Variants in SYT14 observed in about 807,000 individuals in gnomAD.
The protein encoded by SYT14 is synaptotagmin 14, also known as synaptotagmin-14.
A neutral mutation model predicts 74.2 loss-of-function variants in SYT14; 32 were observed. The ratio of observed to expected loss-of-function variants is 0.43; its 90% CI spans 0.33 to 0.58. SYT14 has a LOEUF of 0.58. Among genes scored for constraint, SYT14 ranks in the 20% least tolerant of loss-of-function variants. The pLI is 0.05. For missense variants in SYT14, 791 were observed against 981.8 expected, an observed-to-expected ratio of 0.81 and a Z score of 2.60; for synonymous variants, 298 against 337.7, an observed-to-expected ratio of 0.88 and a Z score of 1.29.
chr1:210,163,528 C>T (rs1187892210), exon 10 of SYT14: 4 of 453,314 alleles, frequency 8.8e-6, no homozygotes, highest in Non-Finnish European at 1.8e-5. Context: ...GGCAAAGGTG[C>T]CCTGGCTTTT....
chr1:209,941,384 C>G (rs1009385456), intron 1 of SYT14, among the ~76,000 whole-genome samples: 2 of 152,148 alleles, frequency 1.3e-5, no homozygotes, highest in African/African-American at 2.4e-5. Flanking sequence ...GTTACACATC[C>G]TTACTGTTGG....
intron 2 of SYT14, among the ~76,000 whole-genome samples, chr1:210,006,467 C>T (rs1177898490): frequency 6.6e-6 from 1 of 151,734 alleles, no homozygotes; most frequent in East Asian, 1.9e-4. Flanking sequence ...AAAATATTTA[C>T]AGCTAATTAA....
At chr1:209,948,576 T>C (rs1288910267) in intron 1 of SYT14, among the ~76,000 whole-genome samples, 1 of 152,250 alleles carries the variant, frequency 6.6e-6, no homozygotes, top group East Asian at 1.9e-4. Flanking sequence ...GTATAGTTTT[T>C]ATGCAGTTCT....
intron 5 of SYT14, among the ~76,000 whole-genome samples, chr1:210,077,771 A>G (rs899818595): frequency 2.0e-5 from 3 of 152,198 alleles, no homozygotes; most frequent in Non-Finnish European, 4.4e-5. Context: ...TTCTTATCAT[A>G]GATATTTTAA....
intron 5 of SYT14, among the ~76,000 whole-genome samples, chr1:210,070,135 G>A (rs2102440516): frequency 6.6e-6 from 1 of 152,094 alleles, no homozygotes; most frequent in East Asian, 1.9e-4. Flanking sequence ...TTTAACCTTT[G>A]CATACAACTT....
In SYT14 at chr1:210,076,114, G is replaced by A. The variant is rs115699981; in HGVS notation, c.1313-18208G>A. Among the ~76,000 whole-genome samples the A allele has an allele frequency of 6.4e-3, 976 of 152,214 alleles. 7 individuals are homozygous for A. The highest frequency in any genetic ancestry group is 0.01 in the Non-Finnish European group (714 of 68,004). ...TCTGTAGACTTTGGGAATAGTAAGA[G>A]CCATTTTCTCCACTTAGAATCTCAG... On this transcript the variant is annotated intron_variant, in intron 5 of 9. Transcript: ENST00000637265.
At position 210,009,109 on chromosome 1, in the gene SYT14, A is replaced by G. The variant is rs574101662; in HGVS notation, c.-485-4524A>G. ...CATTCAAAGCCATCCTGAGCTGCAT[A>G]TGTCTGGCAGGCCATGAGTTGGACA... On this transcript the variant is annotated intron_variant, in intron 2 of 9. Coordinates refer to ENST00000637265, the Ensembl canonical transcript of SYT14. Among the ~76,000 whole-genome samples, 7 of 152,344 alleles carry G rather than the reference A, an allele frequency of 4.6e-5. No homozygotes were observed. The East Asian group carries it at 1.4e-3, about 29-fold the overall frequency.
At chr1:210,065,304 G>A (rs2081276911) in intron 5 of SYT14, among the ~76,000 whole-genome samples, 1 of 151,996 alleles carries the variant, frequency 6.6e-6, no homozygotes, top group Non-Finnish European at 1.5e-5. Context: ...TAATCATGGG[G>A]GCGGTTACCT....
intron 2 of SYT14, among the ~76,000 whole-genome samples, chr1:210,008,298 A>G (rs1050534361): frequency 3.3e-5 from 5 of 152,328 alleles, no homozygotes; most frequent in South Asian, 2.1e-4. Context: ...TATTGACTGT[A>G]TTCAACAAAT....
intron 2 of SYT14, among the ~76,000 whole-genome samples, chr1:209,988,329 G>A (rs2079606461): frequency 6.6e-6 from 1 of 152,018 alleles, no homozygotes; most frequent in African/African-American, 2.4e-5. Context: ...TACCACATTC[G>A]ATCATTCCTC....
At chr1:209,951,700 A>G (rs2078914240) in intron 1 of SYT14, among the ~76,000 whole-genome samples, 1 of 152,146 alleles carries the variant, frequency 6.6e-6, no homozygotes, top group Admixed American at 6.6e-5. Flanking sequence ...AACCCAAATC[A>G]ATCCAAATGT....
intron 7 of SYT14, among the ~76,000 whole-genome samples, chr1:210,108,696 C>T (rs1018905070): frequency 6.6e-6 from 1 of 151,178 alleles, no homozygotes; most frequent in African/African-American, 2.4e-5. Context: ...AACAGAGAGG[C>T]AAAAGTGTTA....
intron 5 of SYT14, among the ~76,000 whole-genome samples, chr1:210,075,348 T>TG (rs1011179083): frequency 2.8e-4 from 42 of 150,376 alleles, no homozygotes; most frequent in Non-Finnish European, 5.2e-4. Context: ...GTTTGTTTTT[T>TG]TTTTTTTTTT....
At chr1:210,140,157 G>C (rs1447877271) in intron 7 of SYT14, among the ~76,000 whole-genome samples, 9 of 152,050 alleles carry the variant, frequency 5.9e-5, no homozygotes, top group Admixed American at 2.6e-4. Flanking sequence ...CTATCCTACT[G>C]GGTATAAAGT....
chr1:209,976,097 CTTCT>C (rs1454075062), intron 2 of SYT14, among the ~76,000 whole-genome samples: 3 of 151,584 alleles, frequency 2.0e-5, no homozygotes, highest in African/African-American at 4.9e-5. Flanking sequence ...TCTCTCTTTT[CTTCT>C]TTATTAGTCT....
intron 2 of SYT14, among the ~76,000 whole-genome samples, chr1:209,996,106 G>A (rs998149979): frequency 3.9e-5 from 6 of 152,080 alleles, no homozygotes; most frequent in Admixed American, 3.3e-4. Flanking sequence ...AAAGCTAGCC[G>A]AAGAAAAGAA....
chr1:210,169,401 C>T (rs951127534), exon 10 of SYT14: 9 of 151,552 alleles, frequency 5.9e-5, no homozygotes, highest in Non-Finnish European at 1.2e-4. Context: ...AGCTGTTGCA[C>T]ATACATCGAC....
At chr1:210,158,693 C>G (rs1312137535) in intron 8 of SYT14, among the ~76,000 whole-genome samples, 1 of 151,926 alleles carries the variant, frequency 6.6e-6, no homozygotes, top group African/African-American at 2.4e-5. Context: ...CATTATTTTA[C>G]CATTAGATAG....
intron 7 of SYT14, among the ~76,000 whole-genome samples, chr1:210,149,707 G>A (rs180690761): frequency 6.6e-6 from 1 of 152,288 alleles, no homozygotes; most frequent in Admixed American, 6.5e-5. Context: ...TAACCTGAAT[G>A]TCAGAGCTGT....
Sources: gnomAD v4.1 joint callset for allele counts (sites outside exome capture counted in the v4.1 genomes callset) on GRCh38, gnomAD v4.1.1 for gene constraint, MANE v1.5 for transcripts, NCBI Gene and HGNC (gene_info 2026-07-23, HGNC 2026-07-21) for gene names.